RPLP0: variants seen among roughly 807,000 people sequenced by gnomAD.
The protein encoded by RPLP0 is large ribosomal subunit protein uL10.
For missense variants in RPLP0, 276 were observed against 402.9 expected (o/e 0.69, Z 2.70); for synonymous variants, 137 against 153.4 (o/e 0.89, Z 0.79).
At position 120,200,746 on chromosome 12, in the gene RPLP0, T is replaced by C. The variant is rs771721286; in HGVS notation, c.38A>G (p.Tyr13Cys). 3 of 1,611,608 alleles carry C rather than the reference T, an allele frequency of 1.9e-6. No individual in the cohort carries two copies. Among genetic ancestry groups the C allele is most frequent in the Admixed American group, 3.3e-5 (2 of 59,836 alleles). ...TGCACTTACGATGATCTTAAGGAAG[T>C]AGTTGGACTTCCAGGTCGCCCTGTC... ...REDRATWKSNYFLKIIQLLDD... is the reference protein window; with the variant it reads ...REDRATWKSNCFLKIIQLLDD... The change falls in exon 2 of 8, where the codon TAC becomes TGC. Residue 13 changes from tyrosine to cysteine, a missense_variant. By Grantham distance (194) the Tyr-to-Cys change is radical. Coordinates refer to ENST00000392514, the MANE Select transcript of RPLP0 (RefSeq NM_001002.4).
At chr12:120,197,281 TCA>T (rs745662235) in intron 7 of RPLP0, 39 bp downstream of exon 7, 47 of 1,584,978 alleles carry the variant, frequency 3.0e-5, no homozygotes, top group East Asian at 6.7e-5. Context: ...TGCTAATTTG[TCA>T]CAGTCAGGCC....
chr12:120,200,768 T>C lies in RPLP0; in HGVS notation c.16A>G (p.Arg6Gly). 1 of 1,611,390 alleles carries C rather than the reference T, an allele frequency of 6.2e-7. No homozygotes were observed. Among genetic ancestry groups the C allele is most frequent in the Non-Finnish European group, 8.5e-7 (1 of 1,179,326 alleles). Residue 6 changes from arginine to glycine, a missense_variant, in exon 2 of 8, where the codon AGG becomes GGG. Transcript: ENST00000392514. ...AAGTAGTTGGACTTCCAGGTCGCCC[T>C]GTCTTCCCTGGGCATCACGGCGGTG... is the stretch of plus-strand genomic sequence containing the variant. MPREDRATWKSNYFLK... is the reference protein window; with the variant it reads MPREDGATWKSNYFLK...
intron 6 of RPLP0, 90 bp from the exon 7 acceptor site, chr12:120,197,552 AT>A: frequency 6.8e-7 from 1 of 1,479,266 alleles, no homozygotes. Context: ...TTAGCAGACA[AT>A]AATTGCCAGG....
rs761341798 is a variant in RPLP0 at position 120,200,809 on chromosome 12, C to A, written c.-26G>T. The A allele has an allele frequency of 4.4e-6, 7 of 1,607,628 alleles. No individual in the cohort carries two copies. The highest frequency in any genetic ancestry group is 5.1e-6 in the Non-Finnish European group (6 of 1,177,980). On this transcript the variant is annotated 5_prime_UTR_variant, in exon 2 of 8. Transcript: ENST00000392514. ...CACGGCGGTGCGTCAGGGATTGCCA[C>A]GCAGGGTTTAAAGACGATGTCACTG...
intron 6 of RPLP0, 166 bp from the exon 7 acceptor site, chr12:120,197,628 A>G (rs1274005100): frequency 1.1e-5 from 8 of 739,490 alleles, no homozygotes; most frequent in Middle Eastern, 3.9e-4. Flanking sequence ...AGAGCAATTC[A>G]GCCCCATCAA....
chr12:120,197,278 TTG>T, intron 7 of RPLP0, 42 bp downstream of exon 7: 1 of 1,574,974 alleles, frequency 6.3e-7, no homozygotes, highest in Non-Finnish European at 8.7e-7. Flanking sequence ...CCCTGCTAAT[TTG>T]TCACAGTCAG....
In RPLP0 at chr12:120,198,621, T is replaced by G; in HGVS notation, c.584A>C (p.Asn195Thr). 1 of 1,614,028 alleles carries G rather than the reference T, an allele frequency of 6.2e-7. No homozygotes were observed. Among genetic ancestry groups the G allele is most frequent in the Non-Finnish European group, 8.5e-7 (1 of 1,180,024 alleles). Reference protein sequence around the residue: ...FGLVIQQVFDNGSIYNPEVLD... With the variant: ...FGLVIQQVFDTGSIYNPEVLD... ...CACTTCAGGGTTGTAGATGCTGCCATTGTCGAACACCTGCTGGATGACCAG... is the reference window on the plus strand; with the variant it reads ...CACTTCAGGGTTGTAGATGCTGCCAGTGTCGAACACCTGCTGGATGACCAG... The change falls in exon 6 of 8, where the codon AAT becomes ACT. Residue 195 changes from asparagine (N) to threonine (T), a missense_variant. Transcript: ENST00000392514. The surrounding 1 kb of genome is among the most constrained non-coding windows in gnomAD (Gnocchi z 4.1).
In RPLP0 at chr12:120,200,829, T is replaced by C. The variant is rs948873913; in HGVS notation, c.-46A>G. ...TGCCACGCAGGGTTTAAAGACGATG[T>C]CACTGAGGAGAGACAGGGAGCTCAG... On this transcript the variant is annotated splice_region_variant and 5_prime_UTR_variant, in exon 2 of 8. Coordinates refer to ENST00000392514, the MANE Select transcript of RPLP0 (RefSeq NM_001002.4). 1.3e-6 allele frequency: 2 copies of C among 1,599,274 alleles called. No individual in the cohort carries two copies. Among genetic ancestry groups the C allele is most frequent in the African/African-American group, 1.3e-5 (1 of 74,508 alleles).
At chr12:120,197,247 G>C in intron 7 of RPLP0, 75 bp downstream of exon 7, 1 of 1,347,350 alleles carries the variant, frequency 7.4e-7, no homozygotes, top group South Asian at 1.2e-5. Context: ...TATAAAAGCA[G>C]TAAGGTAGAA....
chr12:120,200,900 A>G, intron 1 of RPLP0, 69 bp from the exon 2 acceptor site: 1 of 1,478,126 alleles, frequency 6.8e-7, no homozygotes. Flanking sequence ...GCCTAAGAGG[A>G]GCAGGACACG....
intron 1 of RPLP0, 37 bp downstream of exon 1, chr12:120,201,046 C>T: frequency 2.2e-6 from 1 of 459,478 alleles, no homozygotes; most frequent in Non-Finnish European, 3.8e-6. Flanking sequence ...TGCTTCCCGC[C>T]GGCGACCCCT....
chr12:120,198,393 A>AG lies in RPLP0; in HGVS notation c.651+160_651+161insC, dbSNP rs1879267495. 1.2e-6 allele frequency: 1 copy of AG among 820,298 alleles called. No homozygotes were observed. Among genetic ancestry groups the AG allele is most frequent in the Non-Finnish European group, 1.9e-6 (1 of 537,602 alleles). The allele number at this position is 820,298 out of a possible 1,614,324, so 50.8% of individuals were successfully genotyped here. A position where few individuals can be genotyped will look rare whatever the true frequency, so the allele number is the denominator to read the frequency against. On this transcript the variant is annotated intron_variant, in intron 6 of 7. Coordinates refer to ENST00000392514, the MANE Select transcript of RPLP0 (RefSeq NM_001002.4). The surrounding 1 kb of genome is among the most constrained non-coding windows in gnomAD (Gnocchi z 4.1). ...ACAGCAAGACTCTGTCTCCAAAAAAAAAAAAAAAAAATCCTTCAACAATCT... is the reference window on the plus strand; with the variant it reads ...ACAGCAAGACTCTGTCTCCAAAAAAAGAAAAAAAAAAATCCTTCAACAATCT...
Position 120,199,815 on chromosome 12 carries a change from AGAG to A in RPLP0, c.55-333_55-331del, listed in dbSNP as rs371314074. 508 of 359,740 alleles carry A rather than the reference AGAG, an allele frequency of 1.4e-3. 2 individuals carry two copies. The highest frequency in any genetic ancestry group is 9.9e-3 in the African/African-American group (467 of 47,278). 22.3% of individuals were successfully genotyped at this position (359,740 alleles called of 1,614,324 possible). A position where few individuals can be genotyped will look rare whatever the true frequency, so the allele number is the denominator to read the frequency against. On this transcript the variant is annotated intron_variant, in intron 2 of 7. Coordinates refer to ENST00000392514, the MANE Select transcript of RPLP0 (RefSeq NM_001002.4). Reference sequence around the variant, plus strand: ...AGGAATGTTCCAAGTAAGTTGGTCAAGAGGAGGGCTAGATTCACAGCATTAAAA... The same window carrying A: ...AGGAATGTTCCAAGTAAGTTGGTCAAGAGGGCTAGATTCACAGCATTAAAA...
In RPLP0 at chr12:120,198,006, G is replaced by A. The variant is rs528352633; in HGVS notation, c.652-544C>T. ...TGCAGTGGCACCATGTCAGCTCACC[G>A]CAACCTCCACCTCTTAAAAGGCTTT... On this transcript the variant is annotated intron_variant, in intron 6 of 7. Coordinates refer to ENST00000392514, the MANE Select transcript of RPLP0 (RefSeq NM_001002.4). The surrounding 1 kb of genome is among the most constrained non-coding windows in gnomAD (Gnocchi z 4.1). Among the ~76,000 whole-genome samples, 6 of 151,648 alleles carry A rather than the reference G, an allele frequency of 4.0e-5. No individual in the cohort carries two copies. Among genetic ancestry groups the A allele is most frequent in the Non-Finnish European group, 7.4e-5 (5 of 67,956 alleles).
At position 120,198,298 on chromosome 12, in the gene RPLP0, T is replaced by C. The variant is rs966643479; in HGVS notation, c.651+256A>G. 2.3e-6 allele frequency: 1 copy of C among 428,144 alleles called. No homozygotes were observed. The highest frequency in any genetic ancestry group is 4.3e-6 in the Non-Finnish European group (1 of 233,376). 26.5% of individuals were successfully genotyped at this position (428,144 alleles called of 1,614,324 possible). ...TACTCAGGAGGCTGAGGCAGGAGAA[T>C]GGTGTGAACCCGGAGGCGGAGCTTG... On this transcript the variant is annotated intron_variant, in intron 6 of 7. Transcript: ENST00000392514. The surrounding 1 kb of genome is among the most constrained non-coding windows in gnomAD (Gnocchi z 4.1).
intron 6 of RPLP0, 37 bp from the exon 7 acceptor site, chr12:120,197,499 C>G: frequency 6.3e-7 from 1 of 1,594,928 alleles, no homozygotes; most frequent in Non-Finnish European, 8.6e-7. Flanking sequence ...GTGAGATTCC[C>G]TACAGGAAAG....
At chr12:120,199,972 C>A in intron 2 of RPLP0, 1 of 450,900 alleles carries the variant, frequency 2.2e-6, no homozygotes, top group South Asian at 1.6e-5. Context: ...AAATGTAATA[C>A]AAGCTATGCT....
intron 7 of RPLP0, 163 bp downstream of exon 7, chr12:120,197,159 T>C: frequency 9.8e-7 from 1 of 1,022,434 alleles, no homozygotes; most frequent in Non-Finnish European, 1.5e-6. Flanking sequence ...TTGTCATTTC[T>C]CAAGTGAGAA....
chr12:120,199,956 G>A (rs1879351963), intron 2 of RPLP0: 3 of 447,326 alleles, frequency 6.7e-6, no homozygotes, highest in African/African-American at 2.0e-5. Context: ...CCTTCTAAGT[G>A]TGGGAAAATG....
Sources: allele counts gnomAD v4.1 joint callset (sites outside exome capture counted in the v4.1 genomes callset), GRCh38; gene constraint gnomAD v4.1.1; non-coding constraint Gnocchi (gnomAD v3.1); transcripts MANE v1.5; gene names NCBI Gene and HGNC (gene_info 2026-07-23, HGNC 2026-07-21).